The following EPM2A variants were observed in gnomAD, a reference collection of about 807,000 sequenced individuals.
EPM2A encodes laforin.
Under a neutral mutation model 26.5 loss-of-function variants are expected in EPM2A, and 21 were observed. The observed-to-expected ratio is 0.79, with a 90% CI of 0.56 to 1.14. The LOEUF (loss-of-function observed/expected upper bound fraction) is 1.14. Ranked by LOEUF, EPM2A falls within the 50% of genes most tolerant of loss-of-function variation. The pLI is 0.00. For synonymous variants in EPM2A, 217 were observed against 177.6 expected (o/e 1.22, Z -1.76); for missense variants, 458 against 440.8 (o/e 1.04, Z -0.35).
At chr6:145,658,221 A>T (rs1281652774) in intron 2 of EPM2A, among the ~76,000 whole-genome samples, 1 of 152,210 alleles carries the variant, frequency 6.6e-6, no homozygotes, top group East Asian at 1.9e-4. Context: ...GCATGCAGTC[A>T]TTCTTTAGCC....
rs140051590 is a variant in EPM2A at position 145,464,623 on chromosome 6, A to T, written c.555+37899T>A. Among the ~76,000 whole-genome samples, 999 of 152,132 alleles carry T rather than the reference A, an allele frequency of 6.6e-3. 6 individuals are homozygous for T. The highest frequency in any genetic ancestry group is 7.2e-3 in the Non-Finnish European group (491 of 67,970). ...AGTTCATTGTATAATTTTTTATTTC[A>T]TAATTTATGGTCCCTATGAATTGTG... On this transcript the variant is annotated intron_variant, in intron 4 of 4. Coordinates refer to the EPM2A transcript ENST00000638717.
At chr6:145,727,419 A>C (rs892021560) in intron 1 of EPM2A, among the ~76,000 whole-genome samples, 4 of 152,152 alleles carry the variant, frequency 2.6e-5, no homozygotes, top group Non-Finnish European at 4.4e-5. Flanking sequence ...TATTTATATA[A>C]CAGAGAAATG....
At chr6:145,708,688 C>A (rs921841936) in intron 1 of EPM2A, among the ~76,000 whole-genome samples, 2 of 152,334 alleles carry the variant, frequency 1.3e-5, no homozygotes, top group South Asian at 4.1e-4. Context: ...TCATGCAGAA[C>A]CTCTGCTAGG....
At chr6:145,447,428 T>A (rs1028466813) in intron 4 of EPM2A, among the ~76,000 whole-genome samples, 11 of 152,114 alleles carry the variant, frequency 7.2e-5, no homozygotes, top group African/African-American at 2.7e-4. Flanking sequence ...GGAGTTTCAT[T>A]ATCTCTCACT....
Position 145,409,746 on chromosome 6 carries a change from G to T in EPM2A, c.556-25649C>A, listed in dbSNP as rs117578267. Among the ~76,000 whole-genome samples, 475 of 152,260 alleles carry T rather than the reference G, an allele frequency of 3.1e-3. 10 individuals carry two copies. In the East Asian group the frequency reaches 0.054, roughly 17 times the overall value. On this transcript the variant is annotated intron_variant, in intron 4 of 4. Transcript: ENST00000638717. Reference sequence around the variant, plus strand: ...AGGGGGACTCTGATGATTATTTACAGGGGATCTCATGTGGTTACTCCTCTT... The same window carrying T: ...AGGGGGACTCTGATGATTATTTACATGGGATCTCATGTGGTTACTCCTCTT...
intron 2 of EPM2A, among the ~76,000 whole-genome samples, chr6:145,516,231 A>G (rs1780124614): frequency 6.6e-6 from 1 of 152,222 alleles, no homozygotes. Context: ...GAAGATGGAC[A>G]GTAAAGCATC....
chr6:145,624,637 A>T (rs377257052), downstream of EPM2A, among the ~76,000 whole-genome samples: 1 of 152,194 alleles, frequency 6.6e-6, no homozygotes, highest in South Asian at 2.1e-4. Flanking sequence ...GATTATTTCT[A>T]AAGACACTTT....
intron 4 of EPM2A, among the ~76,000 whole-genome samples, chr6:145,388,003 C>T (rs529300299): frequency 2.8e-4 from 42 of 152,276 alleles, no homozygotes; most frequent in African/African-American, 1.0e-3. Flanking sequence ...ACCACACAGG[C>T]ATATATGTTT....
chr6:145,574,742 C>G (rs998115890), intron 2 of EPM2A, among the ~76,000 whole-genome samples: 2 of 152,134 alleles, frequency 1.3e-5, no homozygotes, highest in African/African-American at 4.8e-5. Flanking sequence ...TCCACATTTC[C>G]GCTAACCAAG....
intron 1 of EPM2A, among the ~76,000 whole-genome samples, chr6:145,711,591 T>G (rs1775330320): frequency 6.6e-6 from 1 of 152,036 alleles, no homozygotes; most frequent in Admixed American, 6.5e-5. Context: ...GAATTTAGCT[T>G]GAGATAAGAA....
In EPM2A at chr6:145,735,483, C is replaced by G. The variant is rs1776824378; in HGVS notation, c.16G>C (p.Gly6Arg). 9.2e-6 allele frequency: 11 copies of G among 1,196,816 alleles called. No individual in the cohort carries two copies. The highest frequency in any genetic ancestry group is 1.1e-5 in the Non-Finnish European group (11 of 966,302). The allele number at this position is 1,196,816 out of a possible 1,614,324, so 74.1% of individuals were successfully genotyped here. ...GCCACGGCGGGTGGCACCACCACCC[C>G]AAAGCGGAAGCGCATGGCGGGCGGC... MRFRF[G>R]VVVPPAVAGA... is the part of the protein sequence containing the mutation. Residue 6 changes from glycine to arginine, a missense_variant, in exon 1 of 4, where the codon GGG becomes CGG. Gly to Arg is a moderately radical substitution (Grantham distance 125). Transcript: ENST00000367519.
chr6:145,652,967 T>C (rs919610603), intron 2 of EPM2A, among the ~76,000 whole-genome samples: 2 of 152,232 alleles, frequency 1.3e-5, no homozygotes, highest in Admixed American at 1.3e-4. Flanking sequence ...TCCAAGTCTT[T>C]ATCTATATCA....
chr6:145,441,827 A>G (rs1779066695), intron 4 of EPM2A, among the ~76,000 whole-genome samples: 1 of 152,250 alleles, frequency 6.6e-6, no homozygotes. Context: ...GCACCACTGC[A>G]TTCCAGCCTG....
chr6:145,616,811 A>C (rs1325834044), intron 2 of EPM2A, among the ~76,000 whole-genome samples: 1 of 152,098 alleles, frequency 6.6e-6, no homozygotes, highest in Non-Finnish European at 1.5e-5. Flanking sequence ...AGCCCCTTTG[A>C]TTTGGCCAAT....
At chr6:145,656,181 A>G (rs1778269001) in intron 2 of EPM2A, among the ~76,000 whole-genome samples, 1 of 152,256 alleles carries the variant, frequency 6.6e-6, no homozygotes, top group Admixed American at 6.5e-5. Context: ...CACTTCCTCC[A>G]CAAAGAAAAA....
At chr6:145,455,675 G>C (rs768952388) in intron 4 of EPM2A, among the ~76,000 whole-genome samples, 1 of 152,112 alleles carries the variant, frequency 6.6e-6, no homozygotes, top group Non-Finnish European at 1.5e-5. Flanking sequence ...AAAATTTTCA[G>C]TATATAAAAT....
At chr6:145,560,590 C>T (rs1340394009) in intron 2 of EPM2A, among the ~76,000 whole-genome samples, 1 of 152,120 alleles carries the variant, frequency 6.6e-6, no homozygotes, top group Non-Finnish European at 1.5e-5. Context: ...TCCATATCGA[C>T]ATCTAAATCA....
chr6:145,553,854 TA>T (rs1218381282), intron 2 of EPM2A, among the ~76,000 whole-genome samples: 25 of 147,774 alleles, frequency 1.7e-4, no homozygotes, highest in East Asian at 1.2e-3. Flanking sequence ...TATATGTATA[TA>T]AATACATATA....
chr6:145,600,932 C>T (rs1388247605), intron 2 of EPM2A, among the ~76,000 whole-genome samples: 1 of 152,186 alleles, frequency 6.6e-6, no homozygotes, highest in African/African-American at 2.4e-5. Context: ...TCTCCACTGT[C>T]CAGAGGGTCA....
Sources: allele counts gnomAD v4.1 joint callset (sites outside exome capture counted in the v4.1 genomes callset), GRCh38; gene constraint gnomAD v4.1.1; transcripts MANE v1.5; gene names NCBI Gene and HGNC (gene_info 2026-07-23, HGNC 2026-07-21).